Variants in SYT7 observed in about 807,000 individuals in gnomAD.
SYT7 encodes the protein synaptotagmin 7.
In SYT7, 29 loss-of-function variants were observed where a neutral mutation model predicts 75.1. That is an observed-to-expected ratio of 0.39 (90% CI 0.29 to 0.53). The LOEUF (loss-of-function observed/expected upper bound fraction) is 0.53, where lower values mean the gene tolerates loss of function less well. Ranked by LOEUF, SYT7 falls within the 20% of genes least tolerant of loss-of-function variation. The pLI, the probability that SYT7 is intolerant of heterozygous loss-of-function variation, is 0.77. For missense variants in SYT7, 693 were observed against 953.2 expected, an observed-to-expected ratio of 0.73 and a Z score of 3.59; for synonymous variants, 376 against 401.7, an observed-to-expected ratio of 0.94 and a Z score of 0.76.
intron 8 of SYT7, among the ~76,000 whole-genome samples, chr11:61,530,364 G>A (rs1256747881): frequency 6.6e-6 from 1 of 152,154 alleles, no homozygotes; most frequent in Non-Finnish European, 1.5e-5. Context: ...GCCACCGCAG[G>A]CCCATTGAGA....
rs570183644 is a variant in SYT7 at position 61,523,236 on chromosome 11, G to A, written c.1795C>T (p.Arg599Trp). Reference sequence around the variant, plus strand: ...GTCACCGTCTTCTTCTTCTCCACCCGCTTGTCCTTGTACATCAGCCATACC... The same window carrying A: ...GTCACCGTCTTCTTCTTCTCCACCCACTTGTCCTTGTACATCAGCCATACC... Reference protein sequence around the residue: ...VKVWLMYKDKRVEKKKTVTMK... With the variant: ...VKVWLMYKDKWVEKKKTVTMK... The change falls in exon 12 of 13, where the codon CGG (arginine) becomes TGG (tryptophan). Residue 599 changes from arginine (R) to tryptophan (W), a missense_variant. By Grantham distance (101) the Arg-to-Trp change is moderately radical. This residue lies in a region of SYT7 where 206 missense variants were observed against 360.0 expected (regional missense o/e 0.57). Coordinates refer to ENST00000539008, the MANE Select transcript of SYT7 (RefSeq NM_001365809.2). The surrounding 1 kb of genome is among the most constrained non-coding windows in gnomAD (Gnocchi z 5.0). The A allele has an allele frequency of 1.2e-5, 20 of 1,614,098 alleles. No individual in the cohort carries two copies. Among genetic ancestry groups the A allele is most frequent in the East Asian group, 4.5e-5 (2 of 44,862 alleles).
At chr11:61,529,738 G>A (rs150117719) in intron 8 of SYT7, among the ~76,000 whole-genome samples, 305 of 152,272 alleles carry the variant, frequency 2.0e-3, no homozygotes, top group South Asian at 0.012. Context: ...AAGGTCAAGC[G>A]ATTTTCATGC....
chr11:61,581,047 G>T lies in SYT7; in HGVS notation c.-227C>A, dbSNP rs140922750. 15,071 of 668,722 alleles carry T rather than the reference G, an allele frequency of 0.023. 1,608 individuals are homozygous for T. In the African/African-American group the frequency reaches 0.25, roughly 11 times the overall value. 41.4% of individuals were successfully genotyped at this position (668,722 alleles called of 1,614,324 possible). On this transcript the variant is annotated 5_prime_UTR_variant, in exon 1 of 13. Transcript: ENST00000539008. The stretch of plus-strand genomic sequence containing the variant: ...CGCCGCCGCCGAACAGCGCCGAGCC[G>T]CCTCCCTCCGGCCTGCGCGCCGCGT...
chr11:61,538,432 T>C (rs182226724), intron 6 of SYT7, among the ~76,000 whole-genome samples, 166 bp from the exon 7 acceptor site: 2 of 146,492 alleles, frequency 1.4e-5, no homozygotes, highest in Non-Finnish European at 3.0e-5. Context: ...AAGAAAAAAG[T>C]GTAAGAAACT....
rs1302095356 is a variant in SYT7 at position 61,571,413 on chromosome 11, G to GCA, written c.31+9375_31+9376dup. Among the ~76,000 whole-genome samples, 5 of 152,244 alleles carry GCA rather than the reference G, an allele frequency of 3.3e-5. No homozygotes were observed. The South Asian group carries it at 8.3e-4, about 25-fold the overall frequency. On this transcript the variant is annotated intron_variant, in intron 1 of 12. Coordinates refer to ENST00000539008, the MANE Select transcript of SYT7 (RefSeq NM_001365809.2). ...AACAAGCTGACTCTAGCAGGTCCAT[G>GCA]CACACACACACATATACACGTGTTC...
chr11:61,531,776 C>T (rs2062717116), intron 8 of SYT7, among the ~76,000 whole-genome samples: 2 of 151,672 alleles, frequency 1.3e-5, no homozygotes, highest in Middle Eastern at 3.4e-3. Flanking sequence ...CTACTGTAAT[C>T]CCAGCTACTC....
At chr11:61,519,873 T>C (rs1021595579) in intron 12 of SYT7, among the ~76,000 whole-genome samples, 1 of 152,168 alleles carries the variant, frequency 6.6e-6, no homozygotes, top group Non-Finnish European at 1.5e-5. Flanking sequence ...CAGGCTAGAG[T>C]GTAATGGCAC....
Position 61,553,390 on chromosome 11 carries a change from C to T in SYT7, c.136-1927G>A, listed in dbSNP as rs2063407170. On this transcript the variant is annotated intron_variant, in intron 2 of 12. Coordinates refer to ENST00000539008, the MANE Select transcript of SYT7 (RefSeq NM_001365809.2). This position sits in a 1 kb window ranked among gnomAD's most constrained non-coding sequence, Gnocchi z 5.2. ...TCGCCCTTCTCTTCCTTCTTTCTGGCTTGGCAGGAGAGCTTGCCCTGGCCA... is the reference window on the plus strand; with the variant it reads ...TCGCCCTTCTCTTCCTTCTTTCTGGTTTGGCAGGAGAGCTTGCCCTGGCCA... Among the ~76,000 whole-genome samples, 1 of 152,306 alleles carries T rather than the reference C, an allele frequency of 6.6e-6. No individual in the cohort carries two copies. Among genetic ancestry groups the T allele is most frequent in the South Asian group, 2.1e-4 (1 of 4,830 alleles).
intron 7 of SYT7, chr11:61,533,782 G>C (rs929392457): frequency 7.0e-6 from 4 of 570,430 alleles, no homozygotes; most frequent in African/African-American, 6.1e-5. Flanking sequence ...GTGTGGCTGA[G>C]AGCTGAAATT....
At chr11:61,586,687 C>G in the SYT7 span, among the ~76,000 whole-genome samples, 1 of 152,150 alleles carries the variant, frequency 6.6e-6, no homozygotes, top group Non-Finnish European at 1.5e-5. Flanking sequence ...GATGAAAAGC[C>G]CCTGGCCCAG....
In SYT7 at chr11:61,546,993, G is replaced by C. The variant is rs1455771753; in HGVS notation, c.347+184C>G. Among the ~76,000 whole-genome samples the C allele has an allele frequency of 2.6e-5, 4 of 152,040 alleles. No homozygotes were observed. Among genetic ancestry groups the C allele is most frequent in the African/African-American group, 9.7e-5 (4 of 41,384 alleles). On this transcript the variant is annotated intron_variant, in intron 4 of 12. Transcript: ENST00000539008. This position sits in a 1 kb window ranked among gnomAD's most constrained non-coding sequence, Gnocchi z 7.6. Reference sequence around the variant, plus strand: ...GGAGCGGGCAGGCAGGTGGGTTGGGGCAGGTGGGGTTGCTCGTCTCCATGG... The same window carrying C: ...GGAGCGGGCAGGCAGGTGGGTTGGGCCAGGTGGGGTTGCTCGTCTCCATGG...
At position 61,514,231 on chromosome 11, in the gene SYT7, T is replaced by C. The variant is rs1195470199; in HGVS notation, c.*4396A>G. Among the ~76,000 whole-genome samples, 1 of 152,224 alleles carries C rather than the reference T, an allele frequency of 6.6e-6. No homozygotes were observed. The highest frequency in any genetic ancestry group is 1.9e-4 in the East Asian group (1 of 5,198). ...GCTCAGTTTTCCAGGGCTGCTTTCA[T>C]GGAGAGCGCCTGAACAGAAGCTCTG... On this transcript the variant is annotated 3_prime_UTR_variant, in exon 13 of 13. Transcript: ENST00000539008.
intron 1 of SYT7, among the ~76,000 whole-genome samples, chr11:61,557,646 C>T (rs1406610692): frequency 6.6e-6 from 1 of 152,200 alleles, no homozygotes; most frequent in African/African-American, 2.4e-5. Context: ...CCCACCTGTC[C>T]ACCTGCCAGG....
upstream of SYT7, among the ~76,000 whole-genome samples, chr11:61,582,570 A>G (rs1047907924): frequency 1.3e-5 from 2 of 152,204 alleles, no homozygotes; most frequent in African/African-American, 4.8e-5. Flanking sequence ...GGTTGAGAAA[A>G]AGATAAGGAA....
chr11:61,546,295 G>A lies in SYT7; in HGVS notation c.348-40C>T, dbSNP rs554108405. ...GAGGCAGCCAGGCCAGAGGGGCACC[G>A]GGGGTGGCGGTGGGGGAGAGAGGGC... On this transcript the variant is annotated intron_variant, in intron 4 of 12. Coordinates refer to ENST00000539008, the MANE Select transcript of SYT7 (RefSeq NM_001365809.2). The surrounding 1 kb of genome is among the most constrained non-coding windows in gnomAD (Gnocchi z 7.6). 3.1e-5 allele frequency: 43 copies of A among 1,367,908 alleles called. No individual in the cohort carries two copies. The African/African-American group carries it at 3.8e-4, about 12-fold the overall frequency. The allele number at this position is 1,367,908 out of a possible 1,614,324, so 84.7% of individuals were successfully genotyped here.
chr11:61,555,152 G>A (rs983052797), intron 2 of SYT7, among the ~76,000 whole-genome samples: 3 of 152,196 alleles, frequency 2.0e-5, no homozygotes, highest in African/African-American at 7.2e-5. Context: ...CCCTTTGGCT[G>A]CGCAGGAAGA....
At chr11:61,529,419 G>A (rs558519550) in intron 8 of SYT7, among the ~76,000 whole-genome samples, 5 of 152,300 alleles carry the variant, frequency 3.3e-5, no homozygotes, top group South Asian at 4.1e-4. Context: ...ATAGCCAGGC[G>A]AGGCAGGTGT....
Position 61,556,089 on chromosome 11 carries a change from C to T in SYT7, c.135+15G>A. 6.2e-7 allele frequency: 1 copy of T among 1,610,578 alleles called. No individual in the cohort carries two copies. The highest frequency in any genetic ancestry group is 8.5e-7 in the Non-Finnish European group (1 of 1,177,860). The stretch of plus-strand genomic sequence containing the variant: ...GGCTAGGCACCACCCTCCAAGGGGC[C>T]CTCAGGAGCCTCACCAGTTTGCGCT... On this transcript the variant is annotated intron_variant, in intron 2 of 12. Transcript: ENST00000539008.
intron 7 of SYT7, among the ~76,000 whole-genome samples, chr11:61,535,722 G>C (rs1311386882): frequency 2.6e-5 from 4 of 152,266 alleles, no homozygotes; most frequent in Admixed American, 2.0e-4. Context: ...TCCTCCTCCC[G>C]GGACGCTGTC....
Sources: gnomAD v4.1 joint callset for allele counts (sites outside exome capture counted in the v4.1 genomes callset) on GRCh38, gnomAD v4.1.1 for gene constraint, gnomAD v4.1.1 regional missense constraint, Gnocchi (gnomAD v3.1) non-coding constraint, MANE v1.5 for transcripts, NCBI Gene and HGNC (gene_info 2026-07-23, HGNC 2026-07-21) for gene names.